PSTPIP2: variants seen among roughly 807,000 people sequenced by gnomAD.
The protein encoded by PSTPIP2 is proline-serine-threonine phosphatase interacting protein 2.
A neutral mutation model predicts 63.3 loss-of-function variants in PSTPIP2; 33 were observed. The observed-to-expected ratio is 0.52, with a 90% confidence interval of 0.40 to 0.70. The LOEUF is 0.70. Among genes scored for constraint, PSTPIP2 ranks in the 30% least tolerant of loss-of-function variants. The probability of loss-of-function intolerance (pLI) is 0.00; values close to 1 mark genes in which losing one functional copy is unlikely to be tolerated. For synonymous variants in PSTPIP2, 125 were observed against 132.7 expected (o/e 0.94, Z 0.40); for missense variants, 312 against 400.7 (o/e 0.78, Z 1.89).
At chr18:46,021,993 G>A (rs1907380528) in intron 3 of PSTPIP2, among the ~76,000 whole-genome samples, 1 of 150,018 alleles carries the variant, frequency 6.7e-6, no homozygotes, top group South Asian at 2.1e-4. Flanking sequence ...GTTAATAATT[G>A]TAAAATCTTG....
At chr18:46,043,062 G>A (rs886811747) in intron 1 of PSTPIP2, among the ~76,000 whole-genome samples, 1 of 151,904 alleles carries the variant, frequency 6.6e-6, no homozygotes, top group African/African-American at 2.4e-5. Flanking sequence ...CACCCGTGCA[G>A]TCCCACTCAA....
chr18:46,006,885 A>G (rs1202022799), intron 5 of PSTPIP2, among the ~76,000 whole-genome samples: 1 of 152,098 alleles, frequency 6.6e-6, no homozygotes, highest in African/African-American at 2.4e-5. Flanking sequence ...GAGTACTATC[A>G]CTCCCATTTT....
Position 46,006,360 on chromosome 18 carries a change from C to CTTTTT in PSTPIP2, c.355-834_355-830dup, listed in dbSNP as rs756384731. Among the ~76,000 whole-genome samples, 10 of 115,628 alleles carry CTTTTT rather than the reference C, an allele frequency of 8.6e-5. 2 individuals are homozygous for CTTTTT. Among genetic ancestry groups the CTTTTT allele is most frequent in the African/African-American group, 1.8e-4 (5 of 27,084 alleles). The allele number at this position is 115,628 out of a possible 152,430, so 75.9% of individuals were successfully genotyped here. A position where few individuals can be genotyped will look rare whatever the true frequency, so the allele number is the denominator to read the frequency against. The stretch of plus-strand genomic sequence containing the variant: ...TGAGCCACCATGCCCAGCCCTGGTA[C>CTTTTT]TTTTTTTTTTTTTTTTTTTTTTTTT... On this transcript the variant is annotated intron_variant, in intron 5 of 14. Transcript: ENST00000409746.
chr18:46,004,099 A>G (rs1382333018), intron 6 of PSTPIP2, among the ~76,000 whole-genome samples: 1 of 152,134 alleles, frequency 6.6e-6, no homozygotes, highest in East Asian at 1.9e-4. Context: ...TTTCTCTTTA[A>G]TTATAAAAAA....
intron 12 of PSTPIP2, 56 bp downstream of exon 12, chr18:45,991,846 G>C: frequency 6.9e-7 from 1 of 1,454,072 alleles, no homozygotes; most frequent in Non-Finnish European, 9.5e-7. Flanking sequence ...GAACATTCAT[G>C]ATAACAATGT....
intron 5 of PSTPIP2, among the ~76,000 whole-genome samples, chr18:46,010,042 G>A (rs1416040375): frequency 2.6e-5 from 4 of 152,220 alleles, no homozygotes; most frequent in African/African-American, 9.6e-5. Flanking sequence ...AAGTACAGGT[G>A]TAAGATGGAA....
At chr18:46,005,684 G>C (rs961292358) in intron 5 of PSTPIP2, among the ~76,000 whole-genome samples, 153 bp from the exon 6 acceptor site, 1 of 152,170 alleles carries the variant, frequency 6.6e-6, no homozygotes, top group Admixed American at 6.5e-5. Flanking sequence ...CAAACAATTT[G>C]CCTAAGCTCT....
chr18:46,033,336 A>G (rs1907848616), intron 2 of PSTPIP2, among the ~76,000 whole-genome samples: 1 of 152,204 alleles, frequency 6.6e-6, no homozygotes, highest in Non-Finnish European at 1.5e-5. Flanking sequence ...TTGCAGACGT[A>G]ATTGTTGAGA....
chr18:45,992,032 T>C (rs1169961424), intron 11 of PSTPIP2, 49 bp from the exon 12 acceptor site: 7 of 1,594,486 alleles, frequency 4.4e-6, no homozygotes, highest in Non-Finnish European at 6.0e-6. Flanking sequence ...GCGTCTTTCA[T>C]CCTTAATGAC....
chr18:46,029,165 T>A (rs1453219935), intron 2 of PSTPIP2: 1 of 958,852 alleles, frequency 1.0e-6, no homozygotes, highest in Non-Finnish European at 1.7e-6. Flanking sequence ...GCAAGGTTTT[T>A]TATGTCTATG....
intron 3 of PSTPIP2, among the ~76,000 whole-genome samples, chr18:46,022,154 A>G (rs1444717996): frequency 6.6e-6 from 1 of 152,156 alleles, no homozygotes; most frequent in Non-Finnish European, 1.5e-5. Flanking sequence ...CTTTGTACTA[A>G]TTTCCTATGT....
chr18:46,007,308 GC>G (rs1176357014), intron 5 of PSTPIP2, among the ~76,000 whole-genome samples: 1 of 152,222 alleles, frequency 6.6e-6, no homozygotes, highest in African/African-American at 2.4e-5. Context: ...CTTCAAAGGA[GC>G]CCTCAGAAAA....
In PSTPIP2 at chr18:46,072,248, C is replaced by A; in HGVS notation, c.-60G>T. ...CCGCAGGTAGCACAGAGCGGGGAGG[C>A]CTGACTGCCACTGCCCGCGGCTCCG... is the stretch of plus-strand genomic sequence containing the variant. On this transcript the variant is annotated 5_prime_UTR_variant, in exon 1 of 15. Coordinates refer to ENST00000409746, the MANE Select transcript of PSTPIP2 (RefSeq NM_024430.4). 6.6e-7 allele frequency: 1 copy of A among 1,514,416 alleles called. No individual in the cohort carries two copies. 93.8% of individuals were successfully genotyped at this position (1,514,416 alleles called of 1,614,324 possible). A position where few individuals can be genotyped will look rare whatever the true frequency, so the allele number is the denominator to read the frequency against.
At chr18:46,068,150 C>G (rs1318615072) in intron 1 of PSTPIP2, among the ~76,000 whole-genome samples, 3 of 151,908 alleles carry the variant, frequency 2.0e-5, no homozygotes, top group Non-Finnish European at 2.9e-5. Flanking sequence ...ATAAAAAATA[C>G]AGTGTAAACA....
intron 6 of PSTPIP2, among the ~76,000 whole-genome samples, chr18:46,001,428 T>C (rs1206325654): frequency 1.3e-5 from 2 of 152,196 alleles, no homozygotes; most frequent in Admixed American, 1.3e-4. Context: ...CGTTGCCCAT[T>C]TTTTTAACCA....
Position 46,035,436 on chromosome 18 carries a change from A to AAG in PSTPIP2, c.134+4509_134+4510dup, listed in dbSNP as rs1333262545. ...CTCTGTCTTAAAAAAAAAAAAAGAA[A>AAG]AGAGAGAGAGAGAGAAATAAAAGAA... On this transcript the variant is annotated intron_variant, in intron 2 of 14. Transcript: ENST00000409746. Among the ~76,000 whole-genome samples, 929 of 140,874 alleles carry AAG rather than the reference A, an allele frequency of 6.6e-3. 6 individuals are homozygous for AAG. The highest frequency in any genetic ancestry group is 0.011 in the Non-Finnish European group (732 of 67,180). The allele number at this position is 140,874 out of a possible 152,430, so 92.4% of individuals were successfully genotyped here. A position where few individuals can be genotyped will look rare whatever the true frequency, so the allele number is the denominator to read the frequency against.
intron 3 of PSTPIP2, among the ~76,000 whole-genome samples, chr18:46,021,848 CAAAAAAAAAAAAAAA>C (rs59094808): frequency 3.0e-5 from 1 of 33,286 alleles, no homozygotes. Flanking sequence ...GACTCTGTCT[CAAAAAAAAAAAAAAA>C]AAAAAAAAAA....
chr18:45,997,654 C>T (rs1363366213), intron 9 of PSTPIP2, 95 bp downstream of exon 9: 3 of 95,760 alleles, frequency 3.1e-5, no homozygotes, highest in Admixed American at 2.0e-4. Flanking sequence ...CCTCCCCTCC[C>T]CCTCCTCCCC....
chr18:46,045,538 C>T (rs1164115559), intron 1 of PSTPIP2, among the ~76,000 whole-genome samples: 1 of 152,060 alleles, frequency 6.6e-6, no homozygotes, highest in Non-Finnish European at 1.5e-5. Flanking sequence ...GAAGGGATAG[C>T]TTTAGGAGAT....
Sources: allele counts gnomAD v4.1 joint callset (sites outside exome capture counted in the v4.1 genomes callset), GRCh38; gene constraint gnomAD v4.1.1; transcripts MANE v1.5; gene names NCBI Gene and HGNC (gene_info 2026-07-23, HGNC 2026-07-21).